LURAP1L: variants seen among roughly 807,000 people sequenced by gnomAD.
The protein encoded by LURAP1L is leucine rich adaptor protein 1-like.
LURAP1L carries 12 observed loss-of-function variants against 13.8 expected under a neutral mutation model. The observed-to-expected ratio is 0.87, with a 90% CI of 0.56 to 1.41. The LOEUF (loss-of-function observed/expected upper bound fraction) is 1.41, where lower values mean the gene tolerates loss of function less well. Ranked by LOEUF, LURAP1L falls within the 40% of genes most tolerant of loss-of-function variation. LURAP1L has a pLI of 0.00. For synonymous variants in LURAP1L, 139 were observed against 119.2 expected (o/e 1.17, Z -1.08); for missense variants, 375 against 292.9 (o/e 1.28, Z -2.04).
In LURAP1L at chr9:12,777,673, TG is replaced by T. The variant is rs1296343508; in HGVS notation, c.312+1647del. ...CAATTTAGAGTATTTATATATAACT[TG>T]AAAACAGTAACATTTCCAAAAACCG... On this transcript the variant is annotated intron_variant, in intron 1 of 1. Coordinates refer to ENST00000319264, the MANE Select transcript of LURAP1L (RefSeq NM_203403.2). The T allele has an allele frequency of 4.1e-6, 3 of 734,434 alleles. No individual in the cohort carries two copies. In the East Asian group the frequency reaches 3.9e-4, roughly 96 times the overall value. The allele number at this position is 734,434 out of a possible 1,614,324, so 45.5% of individuals were successfully genotyped here.
intron 1 of LURAP1L, chr9:12,777,568 G>A: frequency 3.1e-6 from 3 of 975,626 alleles, no homozygotes; most frequent in Non-Finnish European, 3.7e-6. Flanking sequence ...AATAAATCTT[G>A]TTGAAACATA....
At chr9:12,798,937 C>A (rs1168836587) in intron 1 of LURAP1L, among the ~76,000 whole-genome samples, 1 of 152,170 alleles carries the variant, frequency 6.6e-6, no homozygotes, top group Non-Finnish European at 1.5e-5. Context: ...TCATGCAGGT[C>A]AGTCTCTGTT....
In LURAP1L at chr9:12,775,702, G is replaced by A. The variant is rs1819161748; in HGVS notation, c.-14G>A. On this transcript the variant is annotated 5_prime_UTR_variant, in exon 1 of 2. Coordinates refer to ENST00000319264, the MANE Select transcript of LURAP1L (RefSeq NM_203403.2). ...GCTGCGTTTTATTACTATTATCGCC[G>A]TTCCGGAAAAGTCATGGAAGACAGC... 1.9e-6 allele frequency: 3 copies of A among 1,553,406 alleles called. No homozygotes were observed. The highest frequency in any genetic ancestry group is 2.3e-5 in the East Asian group (1 of 44,354).
At chr9:12,805,722 C>G (rs1819648041) in intron 1 of LURAP1L, among the ~76,000 whole-genome samples, 1 of 152,158 alleles carries the variant, frequency 6.6e-6, no homozygotes, top group South Asian at 2.1e-4. Flanking sequence ...AAAGGGGGAA[C>G]ATTTTATAGA....
intron 1 of LURAP1L, among the ~76,000 whole-genome samples, chr9:12,819,897 T>C (rs1467743864): frequency 6.6e-6 from 1 of 151,880 alleles, no homozygotes; most frequent in South Asian, 2.1e-4. Flanking sequence ...GAGGTTGCAG[T>C]GAGCCAAGAT....
intron 1 of LURAP1L, among the ~76,000 whole-genome samples, chr9:12,777,979 T>A (rs1325329899): frequency 6.6e-6 from 1 of 152,134 alleles, no homozygotes; most frequent in African/African-American, 2.4e-5. Flanking sequence ...CACAACTACT[T>A]TTGCACCAAC....
At chr9:12,779,925 A>G (rs1414563546) in intron 1 of LURAP1L, among the ~76,000 whole-genome samples, 2 of 152,182 alleles carry the variant, frequency 1.3e-5, no homozygotes, top group Admixed American at 1.3e-4. Context: ...CTTCCCAGCA[A>G]TCATAATCAT....
rs1475044831 is a variant in LURAP1L, at chr9:12,822,836, T to A, written c.*1076T>A. 6.6e-6 allele frequency among the ~76,000 whole-genome samples: 1 copy of A among 152,188 alleles called. No homozygotes were observed. Among genetic ancestry groups the A allele is most frequent in the African/African-American group, 2.4e-5 (1 of 41,454 alleles). ...GCATTTCTTTTATCTTGATAACTCC[T>A]AGTGAGGGAATCTAATTAAGATTTC... On this transcript the variant is annotated 3_prime_UTR_variant, in exon 2 of 2. Transcript: ENST00000319264.
intron 1 of LURAP1L, among the ~76,000 whole-genome samples, chr9:12,805,801 T>C (rs1237122288): frequency 6.6e-6 from 1 of 152,224 alleles, no homozygotes; most frequent in Non-Finnish European, 1.5e-5. Context: ...TTTATACACC[T>C]GTTTTATACA....
intron 1 of LURAP1L, among the ~76,000 whole-genome samples, chr9:12,813,895 C>T (rs982458912): frequency 4.6e-5 from 7 of 152,148 alleles, no homozygotes; most frequent in African/African-American, 1.2e-4. Context: ...GTATTTGTGA[C>T]ATTTTGTTTG....
intron 1 of LURAP1L, among the ~76,000 whole-genome samples, chr9:12,803,928 A>G (rs1819621063): frequency 6.6e-6 from 1 of 152,192 alleles, no homozygotes; most frequent in Admixed American, 6.5e-5. Flanking sequence ...GCATCATCAC[A>G]ATATTCAATA....
chr9:12,792,421 G>T (rs768192618), intron 1 of LURAP1L, among the ~76,000 whole-genome samples: 1 of 152,092 alleles, frequency 6.6e-6, no homozygotes, highest in Non-Finnish European at 1.5e-5. Flanking sequence ...GCACTTTGAT[G>T]TGTGCCACAT....
chr9:12,798,023 T>C (rs937043753), intron 1 of LURAP1L, among the ~76,000 whole-genome samples: 4 of 152,174 alleles, frequency 2.6e-5, no homozygotes, highest in African/African-American at 9.7e-5. Flanking sequence ...CATTTGATCT[T>C]AAGATATCTC....
rs760629867 is a variant in LURAP1L at position 12,821,745 on chromosome 9, C to G, written c.672C>G (p.Tyr224Ter). 3 of 1,611,944 alleles carry G rather than the reference C, an allele frequency of 1.9e-6. No individual in the cohort carries two copies. The highest frequency in any genetic ancestry group is 3.3e-5 in the Admixed American group (2 of 59,980). Residue 224 changes from tyrosine to a stop codon, truncating the protein, a stop_gained, in exon 2 of 2, where the codon TAC (tyrosine) becomes TAG (stop). Coordinates refer to ENST00000319264, the MANE Select transcript of LURAP1L (RefSeq NM_203403.2). LOFTEE classifies it high-confidence loss of function. ...AGCGTCCTAAATTGGATTCTGAATA[C>G]TACTGCTTTGGCTAGTGACAGTTTT... ...LHKRPKLDSEYYCFG is the reference protein window; with the variant it reads ...LHKRPKLDSE
intron 1 of LURAP1L, among the ~76,000 whole-genome samples, chr9:12,806,133 T>A (rs1819653258): frequency 6.6e-6 from 1 of 152,108 alleles, no homozygotes; most frequent in Admixed American, 6.6e-5. Context: ...AAATATAATT[T>A]TTTTAAAAAG....
At chr9:12,798,655 A>G (rs1055497845) in intron 1 of LURAP1L, among the ~76,000 whole-genome samples, 1 of 152,208 alleles carries the variant, frequency 6.6e-6, no homozygotes, top group African/African-American at 2.4e-5. Context: ...CATCAAATTT[A>G]TGCTAATCTG....
intron 1 of LURAP1L, among the ~76,000 whole-genome samples, chr9:12,781,618 C>T (rs929434854): frequency 1.3e-5 from 2 of 152,132 alleles, no homozygotes; most frequent in African/African-American, 4.8e-5. Flanking sequence ...GATTAGTACT[C>T]TATTGTGCGT....
chr9:12,798,348 T>A (rs991080211), intron 1 of LURAP1L, among the ~76,000 whole-genome samples: 1 of 152,176 alleles, frequency 6.6e-6, no homozygotes, highest in Non-Finnish European at 1.5e-5. Context: ...TTTTTATGAA[T>A]ATTTCTACCT....
chr9:12,778,294 C>T (rs1563884783), intron 1 of LURAP1L, among the ~76,000 whole-genome samples: 1 of 152,140 alleles, frequency 6.6e-6, no homozygotes, highest in East Asian at 1.9e-4. Flanking sequence ...TTGTCCCGCT[C>T]TCTGTGGCCC....
Sources: gnomAD v4.1 joint callset for allele counts (sites outside exome capture counted in the v4.1 genomes callset) on GRCh38, gnomAD v4.1.1 for gene constraint, MANE v1.5 for transcripts, NCBI Gene and HGNC (gene_info 2026-07-23, HGNC 2026-07-21) for gene names.